Variants in UST observed in about 807,000 individuals in gnomAD.
UST encodes the protein uronyl 2-sulfotransferase.
A neutral mutation model predicts 45.6 loss-of-function variants in UST; 21 were observed. That is an observed-to-expected ratio of 0.46 (90% CI 0.33 to 0.66). The LOEUF (loss-of-function observed/expected upper bound fraction) is 0.66. Among genes scored for constraint, UST ranks in the 30% least tolerant of loss-of-function variants. The pLI, the probability that UST is intolerant of heterozygous loss-of-function variation, is 0.02. For missense variants in UST, 463 were observed against 512.4 expected (o/e 0.90, Z 0.93); for synonymous variants, 215 against 200.6 (o/e 1.07, Z -0.61).
intron 6 of UST, 71 bp downstream of exon 6, chr6:149,019,307 T>A: frequency 8.8e-7 from 1 of 1,142,644 alleles, no homozygotes. Flanking sequence ...AGCCTGGTAC[T>A]CGGTGGGAAT....
intron 5 of UST, among the ~76,000 whole-genome samples, chr6:148,989,344 C>G (rs1178987321): frequency 3.9e-5 from 6 of 151,994 alleles, no homozygotes; most frequent in Non-Finnish European, 8.8e-5. Flanking sequence ...TTTGAAGAAG[C>G]TGGCTGAGTT....
intron 1 of UST, among the ~76,000 whole-genome samples, chr6:148,833,688 C>G (rs1158148644): frequency 6.6e-6 from 1 of 152,172 alleles, no homozygotes; most frequent in African/African-American, 2.4e-5. Flanking sequence ...AATAGTGTCA[C>G]CTTTCCAACT....
chr6:149,032,495 G>T (rs1776163429), intron 7 of UST: 2 of 153,840 alleles, frequency 1.3e-5, no homozygotes, highest in Non-Finnish European at 2.9e-5. Flanking sequence ...GTTCCCCTGG[G>T]CCCACCAGCA....
In UST at chr6:149,019,252, G is replaced by A. The variant is rs1175800359; in HGVS notation, c.779+16G>A. ...CCAGATGCAGGTAAGGGCTAAAGCA[G>A]GGTCATGGCATGCACGTACGCACAA... On this transcript the variant is annotated intron_variant, in intron 6 of 7. Transcript: ENST00000367463. 6.2e-6 allele frequency: 10 copies of A among 1,604,782 alleles called. No individual in the cohort carries two copies. The highest frequency in any genetic ancestry group is 6.8e-6 in the Non-Finnish European group (8 of 1,171,570).
chr6:148,882,379 G>T (rs373414794), intron 1 of UST, among the ~76,000 whole-genome samples: 1 of 151,550 alleles, frequency 6.6e-6, no homozygotes, highest in East Asian at 1.9e-4. Flanking sequence ...CCAGCTACTC[G>T]GGAGGCTGAG....
At chr6:149,011,958 A>G (rs942579998) in intron 5 of UST, among the ~76,000 whole-genome samples, 2 of 152,218 alleles carry the variant, frequency 1.3e-5, no homozygotes, top group Non-Finnish European at 2.9e-5. Flanking sequence ...CTTATCCAGA[A>G]ATTCTTTATC....
At chr6:149,028,534 T>G (rs907454055) in intron 7 of UST, among the ~76,000 whole-genome samples, 1 of 152,216 alleles carries the variant, frequency 6.6e-6, no homozygotes, top group Admixed American at 6.5e-5. Context: ...GTTTCACCAG[T>G]TACAGCTGAT....
intron 1 of UST, among the ~76,000 whole-genome samples, chr6:148,816,905 C>G (rs1356518977): frequency 6.6e-6 from 1 of 152,088 alleles, no homozygotes; most frequent in Non-Finnish European, 1.5e-5. Context: ...CAAACCATTA[C>G]CCCCAACAGA....
At chr6:149,015,916 T>C (rs1775889857) in intron 5 of UST, among the ~76,000 whole-genome samples, 1 of 152,174 alleles carries the variant, frequency 6.6e-6, no homozygotes, top group Non-Finnish European at 1.5e-5. Context: ...AAGGTCTCGG[T>C]TCTGCTAAGA....
intron 1 of UST, among the ~76,000 whole-genome samples, chr6:148,774,612 T>A (rs1277557853): frequency 6.6e-6 from 1 of 152,212 alleles, no homozygotes. Flanking sequence ...TGAAGTATAA[T>A]CTGTTAGAAC....
intron 5 of UST, among the ~76,000 whole-genome samples, chr6:148,992,463 C>T (rs1168826957): frequency 2.0e-5 from 3 of 152,168 alleles, no homozygotes; most frequent in Admixed American, 6.5e-5. Flanking sequence ...AGTGAGATTA[C>T]GTCTCAAAAC....
chr6:148,780,441 C>T (rs1215685926), intron 1 of UST, among the ~76,000 whole-genome samples: 1 of 152,124 alleles, frequency 6.6e-6, no homozygotes, highest in Non-Finnish European at 1.5e-5. Flanking sequence ...CCTCCCACTC[C>T]CCACCCTCCA....
chr6:148,922,263 T>C (rs6570909), intron 2 of UST, among the ~76,000 whole-genome samples: 49,406 of 150,934 alleles, frequency 0.33, 8,151 homozygotes, highest in South Asian at 0.47. Flanking sequence ...CCCCATGACC[T>C]CCAACCCCTG....
intron 7 of UST, among the ~76,000 whole-genome samples, chr6:149,038,469 A>C (rs1776266779): frequency 6.6e-6 from 1 of 151,818 alleles, no homozygotes; most frequent in African/African-American, 2.4e-5. Flanking sequence ...GGGAGCACCA[A>C]GAATTTGCAG....
At chr6:148,998,244 C>T (rs1183070666) in intron 5 of UST, among the ~76,000 whole-genome samples, 1 of 152,174 alleles carries the variant, frequency 6.6e-6, no homozygotes. Context: ...AGTCACAAAG[C>T]TTCATTTTGG....
intron 2 of UST, among the ~76,000 whole-genome samples, chr6:148,926,232 A>G (rs1779812383): frequency 6.6e-6 from 1 of 152,238 alleles, no homozygotes; most frequent in Non-Finnish European, 1.5e-5. Context: ...AAGGAATGAT[A>G]TGAGACTTAG....
intron 2 of UST, among the ~76,000 whole-genome samples, chr6:148,928,014 G>A (rs975296611): frequency 4.6e-5 from 7 of 152,228 alleles, no homozygotes; most frequent in African/African-American, 1.7e-4. Flanking sequence ...AGGCCTGGAG[G>A]GGAGGTATTT....
chr6:148,905,033 ACTCT>A (rs1318040213), intron 2 of UST, among the ~76,000 whole-genome samples: 1 of 152,114 alleles, frequency 6.6e-6, no homozygotes, highest in African/African-American at 2.4e-5. Context: ...AAAGCCAAGT[ACTCT>A]CTCTCTGAGT....
intron 7 of UST, among the ~76,000 whole-genome samples, chr6:149,047,246 G>C (rs1776409072): frequency 1.3e-5 from 2 of 151,978 alleles, no homozygotes; most frequent in African/African-American, 4.8e-5. Context: ...CTAACTAATG[G>C]GAAAAAAGAT....
Sources: gnomAD v4.1 joint callset for allele counts (sites outside exome capture counted in the v4.1 genomes callset) on GRCh38, gnomAD v4.1.1 for gene constraint, MANE v1.5 for transcripts, NCBI Gene and HGNC (gene_info 2026-07-23, HGNC 2026-07-21) for gene names.